Variants in GRM7 observed in about 807,000 individuals in gnomAD.
GRM7 encodes the protein metabotropic glutamate receptor 7.
A neutral mutation model predicts 84.5 loss-of-function variants in GRM7; 35 were observed. The ratio of observed to expected loss-of-function variants is 0.41; its 90% CI spans 0.32 to 0.55. The LOEUF (loss-of-function observed/expected upper bound fraction) is 0.55, where lower values mean the gene tolerates loss of function less well. GRM7 is among the 20% of genes least tolerant of loss of function. GRM7 has a pLI of 0.19. For synonymous variants in GRM7, 487 were observed against 455.1 expected, an observed-to-expected ratio of 1.07 and a Z score of -0.89; for missense variants, 1,003 against 1,194.6, an observed-to-expected ratio of 0.84 and a Z score of 2.36.
chr3:7,552,757 G>A (rs146093429), intron 7 of GRM7, among the ~76,000 whole-genome samples: 22 of 152,308 alleles, frequency 1.4e-4, no homozygotes, highest in East Asian at 1.4e-3. Flanking sequence ...AGCGAGGCCC[G>A]GGGCCTAGCC....
chr3:7,133,707 C>A (rs1483685117), intron 1 of GRM7, among the ~76,000 whole-genome samples: 1 of 152,160 alleles, frequency 6.6e-6, no homozygotes. Context: ...TAATAAAAAT[C>A]TTACTCTGTT....
chr3:7,690,722 C>T (rs571282431), intron 9 of GRM7, among the ~76,000 whole-genome samples: 2 of 152,192 alleles, frequency 1.3e-5, no homozygotes, highest in South Asian at 4.1e-4. Context: ...TTCCACTGGA[C>T]ATGGATCCTA....
chr3:7,684,527 G>A (rs1700503526), intron 9 of GRM7, among the ~76,000 whole-genome samples: 1 of 152,136 alleles, frequency 6.6e-6, no homozygotes, highest in Non-Finnish European at 1.5e-5. Context: ...GTGCATGCAT[G>A]CTTCTACTCA....
At chr3:7,725,501 GCACA>G (rs141475627) in intron 9 of GRM7, among the ~76,000 whole-genome samples, 167 of 150,864 alleles carry the variant, frequency 1.1e-3, no homozygotes, top group African/African-American at 3.8e-3. Context: ...CATCACACAG[GCACA>G]CACACACACA....
chr3:7,353,901 G>A (rs1341718289), intron 4 of GRM7, among the ~76,000 whole-genome samples: 1 of 152,004 alleles, frequency 6.6e-6, no homozygotes, highest in Non-Finnish European at 1.5e-5. Flanking sequence ...TAGACCTGTG[G>A]CATTGGCTAA....
intron 1 of GRM7, among the ~76,000 whole-genome samples, chr3:7,051,905 T>C (rs910585598): frequency 3.3e-5 from 5 of 151,776 alleles, no homozygotes; most frequent in African/African-American, 1.2e-4. Flanking sequence ...GTTTAGAAAC[T>C]AAATAAAGCT....
At chr3:7,392,324 A>C (rs536038226) in intron 4 of GRM7, among the ~76,000 whole-genome samples, 5 of 152,192 alleles carry the variant, frequency 3.3e-5, no homozygotes, top group Non-Finnish European at 7.3e-5. Flanking sequence ...TCTAGTCCTG[A>C]GACAGGGAAG....
At chr3:7,241,590 T>G (rs927982384) in intron 2 of GRM7, among the ~76,000 whole-genome samples, 5 of 152,128 alleles carry the variant, frequency 3.3e-5, no homozygotes, top group African/African-American at 9.7e-5. Context: ...GATATGACTC[T>G]ATGCTAGATA....
chr3:6,875,287 A>G lies in GRM7; in HGVS notation c.519+13380A>G, dbSNP rs1002234803. The stretch of plus-strand genomic sequence containing the variant: ...AACATGTGTTGATAAGCCTGATGAT[A>G]TGGTTTGGCTGTGTCCGCAACATCC... On this transcript the variant is annotated intron_variant, in intron 1 of 9. Transcript: ENST00000357716. Among the ~76,000 whole-genome samples the G allele has an allele frequency of 4.0e-5, 6 of 151,414 alleles. No homozygotes were observed. The South Asian group carries it at 8.3e-4, about 21-fold the overall frequency.
intron 1 of GRM7, among the ~76,000 whole-genome samples, chr3:6,991,367 A>G (rs1694627844): frequency 6.6e-6 from 1 of 152,212 alleles, no homozygotes; most frequent in East Asian, 1.9e-4. Context: ...CTTTGGACCT[A>G]ATCCCTAGAG....
chr3:7,087,615 T>A (rs747632296), intron 1 of GRM7, among the ~76,000 whole-genome samples: 1 of 152,156 alleles, frequency 6.6e-6, no homozygotes, highest in Non-Finnish European at 1.5e-5. Flanking sequence ...AGCTTTATTA[T>A]AAGTCAATAC....
intron 1 of GRM7, among the ~76,000 whole-genome samples, chr3:6,876,233 A>G (rs1265232907): frequency 6.6e-6 from 1 of 151,762 alleles, no homozygotes; most frequent in Admixed American, 6.6e-5. Flanking sequence ...GCACCACTGC[A>G]CTCCAATCTG....
chr3:7,704,566 T>C (rs1701326316), intron 9 of GRM7, among the ~76,000 whole-genome samples: 1 of 152,222 alleles, frequency 6.6e-6, no homozygotes, highest in Non-Finnish European at 1.5e-5. Flanking sequence ...TTTAATCCTA[T>C]CCAAGCTTTA....
rs547153695 is a variant in GRM7 at position 7,335,968 on chromosome 3, A to G, written c.1033+29316A>G. 2.6e-5 allele frequency among the ~76,000 whole-genome samples: 4 copies of G among 152,246 alleles called. No individual in the cohort carries two copies. In the South Asian group the frequency reaches 8.3e-4, roughly 32 times the overall value. Reference sequence around the variant, plus strand: ...TGGATTCACAGCTGAATTCTATCAGACATTCAAAGATGAATTGGTACCAAT... The same window carrying G: ...TGGATTCACAGCTGAATTCTATCAGGCATTCAAAGATGAATTGGTACCAAT... On this transcript the variant is annotated intron_variant, in intron 4 of 9. Transcript: ENST00000357716.
In GRM7 at chr3:7,241,513, A is replaced by G. The variant is rs1697557461; in HGVS notation, c.737-57171A>G. ...CATCTCATCAATCTGAGGTCACGCCAGGAAAAGTCTAATTTAAACAAAGAT... is the reference window on the plus strand; with the variant it reads ...CATCTCATCAATCTGAGGTCACGCCGGGAAAAGTCTAATTTAAACAAAGAT... On this transcript the variant is annotated intron_variant, in intron 2 of 9. Transcript: ENST00000357716. Among the ~76,000 whole-genome samples the G allele has an allele frequency of 2.0e-5, 3 of 152,302 alleles. No individual in the cohort carries two copies. The South Asian group carries it at 6.2e-4, about 32-fold the overall frequency.
chr3:7,329,643 A>C (rs1476102001), intron 4 of GRM7, among the ~76,000 whole-genome samples: 1 of 152,170 alleles, frequency 6.6e-6, no homozygotes, highest in Non-Finnish European at 1.5e-5. Context: ...AAAAATTTCA[A>C]CAGTCTTATA....
Position 6,970,689 on chromosome 3 carries a change from C to A in GRM7, c.519+108782C>A, listed in dbSNP as rs113302398. ...AGTTAGGCAGTTCCTACAAAAAAAC[C>A]AAGAGAGAGGCCAGGCGCAGTGGCT... On this transcript the variant is annotated intron_variant, in intron 1 of 9. Coordinates refer to ENST00000357716, the MANE Select transcript of GRM7 (RefSeq NM_000844.4). Among the ~76,000 whole-genome samples the A allele has an allele frequency of 1.9e-3, 293 of 152,062 alleles. 1 individual carries two copies. The highest frequency in any genetic ancestry group is 6.9e-3 in the African/African-American group (288 of 41,508).
Position 7,401,405 on chromosome 3 carries a change from C to A in GRM7, c.1034-13618C>A, listed in dbSNP as rs73810608. Among the ~76,000 whole-genome samples, 682 of 152,176 alleles carry A rather than the reference C, an allele frequency of 4.5e-3. 4 individuals are homozygous for A. Among genetic ancestry groups the A allele is most frequent in the South Asian group, 0.023 (112 of 4,832 alleles). ...TGGAAACATCATGTCCAAGGCAAGA[C>A]CATATTTATAATGTTGCCATATGGC... On this transcript the variant is annotated intron_variant, in intron 4 of 9. Coordinates refer to ENST00000357716, the MANE Select transcript of GRM7 (RefSeq NM_000844.4).
At position 7,729,869 on chromosome 3, in the gene GRM7, C is replaced by CTTTTT. The variant is rs1168461157; in HGVS notation, c.2699-10469_2699-10465dup. Among the ~76,000 whole-genome samples, 226 of 69,964 alleles carry CTTTTT rather than the reference C, an allele frequency of 3.2e-3. 9 individuals carry two copies. The highest frequency in any genetic ancestry group is 0.015 in the Middle Eastern group (1 of 68). 45.9% of individuals were successfully genotyped at this position (69,964 alleles called of 152,430 possible). A position where few individuals can be genotyped will look rare whatever the true frequency, so the allele number is the denominator to read the frequency against. ...TACAGGTGCATGCCACCACCTCCGG[C>CTTTTT]TTTTTTTTTTTTTTTTTTTTTTTGA... On this transcript the variant is annotated intron_variant, in intron 9 of 9. Transcript: ENST00000357716.
Sources: gnomAD v4.1 joint callset for allele counts (sites outside exome capture counted in the v4.1 genomes callset) on GRCh38, gnomAD v4.1.1 for gene constraint, MANE v1.5 for transcripts, NCBI Gene and HGNC (gene_info 2026-07-23, HGNC 2026-07-21) for gene names.